CLASRP: variants seen among roughly 807,000 people sequenced by gnomAD.
CLASRP encodes the protein CLK4 associating serine/arginine rich protein.
In CLASRP, 52 loss-of-function variants were observed where a neutral mutation model predicts 99.9. That is an observed-to-expected ratio of 0.52 (90% CI 0.42 to 0.66). The LOEUF is 0.66. Ranked by LOEUF, CLASRP falls within the 30% of genes least tolerant of loss-of-function variation. The pLI is 0.00. For missense variants in CLASRP, 848 were observed against 999.2 expected (o/e 0.85, Z 2.04); for synonymous variants, 379 against 373.0 (o/e 1.02, Z -0.18).
chr19:45,068,642 G>GCC (rs34337168), intron 16 of CLASRP, among the ~76,000 whole-genome samples, 162 bp downstream of exon 16: 60,192 of 151,636 alleles, frequency 0.4, 13,129 homozygotes, highest in Non-Finnish European at 0.5. Context: ...CAGCTCCGCT[G>GCC]CCGCTATGCT....
intron 11 of CLASRP, 111 bp downstream of exon 11, chr19:45,062,306 A>G: frequency 1.3e-6 from 1 of 747,870 alleles, no homozygotes. Flanking sequence ...CCAAGATCAC[A>G]GACTGCATGA....
chr19:45,060,478 G>GCC lies in CLASRP; in HGVS notation c.789+11_789+12insCC. On this transcript the variant is annotated intron_variant, in intron 9 of 20. Coordinates refer to ENST00000221455, the MANE Select transcript of CLASRP (RefSeq NM_007056.3). The surrounding 1 kb of genome is among the most constrained non-coding windows in gnomAD (Gnocchi z 4.6). ...AAGGCCATGTACTCGGTGAGGTCTG[G>GCC]GCTGGAGTGGAAGGGGACAGGGGTG... The GCC allele has an allele frequency of 6.2e-7, 1 of 1,614,146 alleles. No individual in the cohort carries two copies. Among genetic ancestry groups the GCC allele is most frequent in the South Asian group, 1.1e-5 (1 of 91,084 alleles).
rs1383806365 is a variant in CLASRP, at chr19:45,063,990, GCCT to G, written c.906-13_906-11del. 4 of 1,588,166 alleles carry G rather than the reference GCCT, an allele frequency of 2.5e-6. No homozygotes were observed. Among genetic ancestry groups the G allele is most frequent in the South Asian group, 2.3e-5 (2 of 88,274 alleles). ...AGGCTCCGGGAGCCTGAGCTAGTGAGCCTCCTCCTCCCTACCCGCAGGTCACCC... is the reference window on the plus strand; with the variant it reads ...AGGCTCCGGGAGCCTGAGCTAGTGAGCCTCCTCCCTACCCGCAGGTCACCC... On this transcript the variant is annotated intron_variant, in intron 11 of 20. Coordinates refer to ENST00000221455, the MANE Select transcript of CLASRP (RefSeq NM_007056.3).
In CLASRP at chr19:45,067,713, T is replaced by C. The variant is rs1181239496; in HGVS notation, c.1667+119T>C. 1.2e-5 allele frequency: 12 copies of C among 966,912 alleles called. No homozygotes were observed. The highest frequency in any genetic ancestry group is 1.8e-5 in the Non-Finnish European group (12 of 664,214). The allele number at this position is 966,912 out of a possible 1,614,324, so 59.9% of individuals were successfully genotyped here. ...CCTGGGAGGTCTGGGGGGTGGTGTATGGCCCTGGCCTGGGAGGGTGGATTT... is the reference window on the plus strand; with the variant it reads ...CCTGGGAGGTCTGGGGGGTGGTGTACGGCCCTGGCCTGGGAGGGTGGATTT... On this transcript the variant is annotated intron_variant, in intron 14 of 20. Transcript: ENST00000221455. This position sits in a 1 kb window ranked among gnomAD's most constrained non-coding sequence, Gnocchi z 4.9.
chr19:45,040,175 A>T lies in CLASRP; in HGVS notation c.-29-9A>T, dbSNP rs1394044584. On this transcript the variant is annotated splice_polypyrimidine_tract_variant and intron_variant, in intron 1 of 20. Coordinates refer to ENST00000221455, the MANE Select transcript of CLASRP (RefSeq NM_007056.3). ...ACCATCTGACTTTCCTGGTCCCTTC[A>T]TCCCTCAGGTTGAGGCCCCAGGCTT... The T allele has an allele frequency of 6.6e-7, 1 of 1,506,770 alleles. No homozygotes were observed. The highest frequency in any genetic ancestry group is 9.1e-7 in the Non-Finnish European group (1 of 1,097,664). The allele number at this position is 1,506,770 out of a possible 1,614,324, so 93.3% of individuals were successfully genotyped here.
chr19:45,056,233 G>C (rs1462849965), intron 5 of CLASRP, among the ~76,000 whole-genome samples: 2 of 152,234 alleles, frequency 1.3e-5, no homozygotes, highest in African/African-American at 4.8e-5. Flanking sequence ...CTGAGGCACA[G>C]ATGTGTTAAG....
At chr19:45,063,920 C>T (rs1050773560) in intron 11 of CLASRP, 92 bp from the exon 12 acceptor site, 2 of 1,474,746 alleles carry the variant, frequency 1.4e-6, no homozygotes, top group East Asian at 2.5e-5. Context: ...CGCTGTGGCC[C>T]GCGCTGGCGC....
At chr19:45,044,922 GC>G (rs1971887237) in intron 2 of CLASRP, among the ~76,000 whole-genome samples, 1 of 152,208 alleles carries the variant, frequency 6.6e-6, no homozygotes, top group Admixed American at 6.6e-5. Flanking sequence ...GCCTCCCTGA[GC>G]CCATTTCCTC....
Position 45,068,030 on chromosome 19 carries a change from T to C in CLASRP, c.1683T>C (p.Ala561=). 1 of 1,613,820 alleles carries C rather than the reference T, an allele frequency of 6.2e-7. No individual in the cohort carries two copies. Among genetic ancestry groups the C allele is most frequent in the Non-Finnish European group, 8.5e-7 (1 of 1,179,812 alleles). The change falls in exon 15 of 21, where the codon GCT becomes GCC. Residue 561 remains alanine, a synonymous_variant. Coordinates refer to ENST00000221455, the MANE Select transcript of CLASRP (RefSeq NM_007056.3). ...CCCCACCCAGGACCGAACCTGCCGC[T>C]GGTAAAGAGACAGGAGCTGCCAAAG... The part of the protein sequence containing the change: ...GEKLKKTEPA[A]GKETGAAKPK...
chr19:45,043,840 G>A (rs2122529144), intron 2 of CLASRP, among the ~76,000 whole-genome samples: 1 of 152,208 alleles, frequency 6.6e-6, no homozygotes, highest in Non-Finnish European at 1.5e-5. Context: ...CATAGTTGAG[G>A]CCCCAGAAGT....
At chr19:45,054,681 A>C (rs1972089689) in intron 5 of CLASRP, among the ~76,000 whole-genome samples, 1 of 152,152 alleles carries the variant, frequency 6.6e-6, no homozygotes, top group African/African-American at 2.4e-5. Context: ...AGGACTTGAG[A>C]TTCCCTTTCT....
chr19:45,066,342 A>G (rs1399366761), intron 13 of CLASRP, among the ~76,000 whole-genome samples: 4 of 150,078 alleles, frequency 2.7e-5, no homozygotes, highest in Non-Finnish European at 5.9e-5. Context: ...CTGGTCTTGA[A>G]CTCCTGACCT....
chr19:45,067,253 G>A lies in CLASRP; in HGVS notation c.1410-84G>A. The A allele has an allele frequency of 2.9e-6, 4 of 1,398,048 alleles. No individual in the cohort carries two copies. Among genetic ancestry groups the A allele is most frequent in the Non-Finnish European group, 2.8e-6 (3 of 1,064,902 alleles). The allele number at this position is 1,398,048 out of a possible 1,614,324, so 86.6% of individuals were successfully genotyped here. ...GTCACCCTGGGCCTTGCAGGAAGGA[G>A]GACTGTGGATCCGGACCCAGGGTGG... On this transcript the variant is annotated intron_variant, in intron 13 of 20. Transcript: ENST00000221455. The surrounding 1 kb of genome is among the most constrained non-coding windows in gnomAD (Gnocchi z 4.9).
chr19:45,055,889 T>C (rs1222898922), intron 5 of CLASRP, among the ~76,000 whole-genome samples: 1 of 151,916 alleles, frequency 6.6e-6, no homozygotes, highest in East Asian at 1.9e-4. Context: ...GAAGGGGACT[T>C]ACAACCCACT....
At chr19:45,046,661 A>T (rs1971922463) in intron 2 of CLASRP, among the ~76,000 whole-genome samples, 1 of 152,164 alleles carries the variant, frequency 6.6e-6, no homozygotes, top group Non-Finnish European at 1.5e-5. Flanking sequence ...GAATGAATGA[A>T]TGAATGAATG....
chr19:45,042,797 G>A (rs1215336213), intron 2 of CLASRP, among the ~76,000 whole-genome samples: 1 of 151,816 alleles, frequency 6.6e-6, no homozygotes, highest in Non-Finnish European at 1.5e-5. Flanking sequence ...TTGCACTTTT[G>A]GTAGAGACAG....
chr19:45,069,310 A>G, intron 18 of CLASRP, 62 bp downstream of exon 18: 2 of 1,548,104 alleles, frequency 1.3e-6, no homozygotes, highest in East Asian at 2.2e-5. Flanking sequence ...CCTTCCCACC[A>G]TGGGCTGCTG....
intron 2 of CLASRP, among the ~76,000 whole-genome samples, chr19:45,042,719 TCTC>T (rs1346996961): frequency 1.3e-5 from 2 of 152,082 alleles, no homozygotes; most frequent in South Asian, 4.2e-4. Flanking sequence ...TTCAAGCTAT[TCTC>T]CTGCCTCACT....
At chr19:45,064,666 G>T in intron 13 of CLASRP, 36 bp downstream of exon 13, 1 of 1,510,156 alleles carries the variant, frequency 6.6e-7, no homozygotes, top group South Asian at 1.3e-5. Context: ...GGAGGGGCTG[G>T]GGGGGCGCGG....
Sources: allele counts gnomAD v4.1 joint callset (sites outside exome capture counted in the v4.1 genomes callset), GRCh38; gene constraint gnomAD v4.1.1; non-coding constraint Gnocchi (gnomAD v3.1); transcripts MANE v1.5; gene names NCBI Gene and HGNC (gene_info 2026-07-23, HGNC 2026-07-21).